TSPAN13: variants seen among roughly 807,000 people sequenced by gnomAD.
TSPAN13 encodes the protein tetraspanin-13.
A neutral mutation model predicts 26.9 loss-of-function variants in TSPAN13; 18 were observed. The observed-to-expected ratio is 0.67, with a 90% CI of 0.46 to 0.99. The LOEUF is 0.99. Ranked by LOEUF, TSPAN13 falls within the 50% of genes least tolerant of loss-of-function variation. The pLI, the probability that TSPAN13 is intolerant of heterozygous loss-of-function variation, is 0.00. For missense variants in TSPAN13, 201 were observed against 249.6 expected (o/e 0.81, Z 1.31); for synonymous variants, 116 against 98.4 (o/e 1.18, Z -1.06).
Position 16,779,932 on chromosome 7 carries a change from C to T in TSPAN13, c.540+816C>T, listed in dbSNP as rs534780607. On this transcript the variant is annotated intron_variant, in intron 5 of 5. Coordinates refer to ENST00000262067, the MANE Select transcript of TSPAN13 (RefSeq NM_014399.4). Reference sequence around the variant, plus strand: ...GACTACAGGCGCCCGCCACCACGCCCAGCTAATTTTTTGTATTTTTAGTAG... The same window carrying T: ...GACTACAGGCGCCCGCCACCACGCCTAGCTAATTTTTTGTATTTTTAGTAG... 2.4e-4 allele frequency among the ~76,000 whole-genome samples: 37 copies of T among 151,894 alleles called. No individual in the cohort carries two copies. The East Asian group carries it at 6.2e-3, about 26-fold the overall frequency.
intron 1 of TSPAN13, among the ~76,000 whole-genome samples, chr7:16,757,281 A>G (rs1268802646): frequency 6.6e-6 from 1 of 152,202 alleles, no homozygotes; most frequent in African/African-American, 2.4e-5. Flanking sequence ...AATGAAAATG[A>G]TTTGGGAAAA....
At chr7:16,770,427 C>T (rs1784660853) in intron 1 of TSPAN13, among the ~76,000 whole-genome samples, 2 of 152,168 alleles carry the variant, frequency 1.3e-5, no homozygotes, top group Admixed American at 6.5e-5. Context: ...CCAGACTGCT[C>T]TTGAACAACT....
intron 1 of TSPAN13, among the ~76,000 whole-genome samples, chr7:16,771,967 T>G (rs1168920792): frequency 6.6e-6 from 1 of 152,190 alleles, no homozygotes; most frequent in African/African-American, 2.4e-5. Flanking sequence ...CAGAGGTACT[T>G]GTGAATATTC....
chr7:16,777,243 G>T, intron 3 of TSPAN13, 121 bp downstream of exon 3: 1 of 681,356 alleles, frequency 1.5e-6, no homozygotes, highest in Admixed American at 2.6e-5. Context: ...CTTCACTCTG[G>T]ATAGCAAAAC....
At position 16,753,762 on chromosome 7, in the gene TSPAN13, A is replaced by T; in HGVS notation, c.-206A>T. The T allele has an allele frequency of 2.2e-6, 1 of 451,860 alleles. No individual in the cohort carries two copies. Among genetic ancestry groups the T allele is most frequent in the Non-Finnish European group, 3.9e-6 (1 of 259,666 alleles). The allele number at this position is 451,860 out of a possible 1,614,324, so 28.0% of individuals were successfully genotyped here. ...GGGGCTCGGGCTCCTGCTCCGGCTCAGCTGCGGCGGCCGCAGGTTCCAAAG... is the reference window on the plus strand; with the variant it reads ...GGGGCTCGGGCTCCTGCTCCGGCTCTGCTGCGGCGGCCGCAGGTTCCAAAG... On this transcript the variant is annotated 5_prime_UTR_variant, in exon 1 of 6. Transcript: ENST00000262067.
intron 1 of TSPAN13, among the ~76,000 whole-genome samples, chr7:16,757,733 T>G (rs547580309): frequency 6.6e-6 from 1 of 152,334 alleles, no homozygotes; most frequent in East Asian, 1.9e-4. Context: ...TTTGGTTGTT[T>G]TGAGAAAAAT....
intron 1 of TSPAN13, among the ~76,000 whole-genome samples, chr7:16,761,144 A>G (rs1784537044): frequency 1.3e-5 from 2 of 152,210 alleles, no homozygotes; most frequent in Admixed American, 6.5e-5. Context: ...TCACCTTTAT[A>G]TAATTTCCAT....
intron 5 of TSPAN13, among the ~76,000 whole-genome samples, chr7:16,779,488 A>G (rs542523521): frequency 1.3e-5 from 2 of 152,246 alleles, no homozygotes; most frequent in East Asian, 3.9e-4. Flanking sequence ...ATACACAGAC[A>G]TACATATATA....
At chr7:16,759,771 A>G (rs1393552732) in intron 1 of TSPAN13, among the ~76,000 whole-genome samples, 2 of 147,602 alleles carry the variant, frequency 1.4e-5, no homozygotes, top group Non-Finnish European at 3.0e-5. Context: ...ACTGCCAGAG[A>G]GCTGTCTCCT....
intron 1 of TSPAN13, among the ~76,000 whole-genome samples, chr7:16,754,817 A>G (rs952112544): frequency 6.6e-6 from 1 of 151,902 alleles, no homozygotes; most frequent in African/African-American, 2.4e-5. Context: ...ATTCTGGGTG[A>G]ACAGGAGGAT....
At chr7:16,772,011 A>G (rs565928484) in intron 1 of TSPAN13, among the ~76,000 whole-genome samples, 1 of 152,196 alleles carries the variant, frequency 6.6e-6, no homozygotes, top group Non-Finnish European at 1.5e-5. Flanking sequence ...ATAAAGCCTA[A>G]TCTGAGAACT....
At chr7:16,777,152 T>C in intron 3 of TSPAN13, 30 bp downstream of exon 3, 4 of 1,469,732 alleles carry the variant, frequency 2.7e-6, no homozygotes, top group Non-Finnish European at 3.8e-6. Context: ...TTCTACTTTA[T>C]TATACCACAT....
Position 16,776,224 on chromosome 7 carries a change from T to C in TSPAN13, c.77T>C (p.Leu26Pro), listed in dbSNP as rs761828927. 3 of 1,614,036 alleles carry C rather than the reference T, an allele frequency of 1.9e-6. No individual in the cohort carries two copies. The highest frequency in any genetic ancestry group is 8.5e-7 in the Non-Finnish European group (1 of 1,179,954). ...LNLLYTLVSL[L>P]LIGIAAWGIG... ...GTGTTTTTGCAGTTGGTTAGTCTGC[T>C]GCTAATTGGAATTGCTGCGTGGGGC... Residue 26 changes from leucine (L) to proline (P), a missense_variant, in exon 2 of 6, where the codon CTG becomes CCG. Transcript: ENST00000262067.
intron 3 of TSPAN13, 79 bp downstream of exon 3, chr7:16,777,201 A>G: frequency 9.1e-7 from 1 of 1,096,878 alleles, no homozygotes; most frequent in Non-Finnish European, 1.4e-6. Context: ...TGATTAGAAT[A>G]TAAAATAATT....
At chr7:16,763,487 C>T (rs1233313689) in intron 1 of TSPAN13, among the ~76,000 whole-genome samples, 1 of 152,140 alleles carries the variant, frequency 6.6e-6, no homozygotes, top group African/African-American at 2.4e-5. Flanking sequence ...AGTCGCTCGC[C>T]CCTTTCATCC....
At chr7:16,763,770 G>C (rs557242260) in intron 1 of TSPAN13, among the ~76,000 whole-genome samples, 1 of 152,204 alleles carries the variant, frequency 6.6e-6, no homozygotes, top group Admixed American at 6.5e-5. Flanking sequence ...TGCTGCTGCT[G>C]ATGGTCAGAG....
chr7:16,777,532 G>A (rs773457288), intron 3 of TSPAN13, among the ~76,000 whole-genome samples: 1 of 152,102 alleles, frequency 6.6e-6, no homozygotes, highest in Non-Finnish European at 1.5e-5. Flanking sequence ...TTAACACTCC[G>A]AGAATTATGC....
At position 16,777,023 on chromosome 7, in the gene TSPAN13, C is replaced by T. The variant is rs1784759065; in HGVS notation, c.232-19C>T. The T allele has an allele frequency of 6.6e-7, 1 of 1,523,410 alleles. No homozygotes were observed. The highest frequency in any genetic ancestry group is 1.4e-5 in the African/African-American group (1 of 72,988). The allele number at this position is 1,523,410 out of a possible 1,614,324, so 94.4% of individuals were successfully genotyped here. ...CATTCTAAGAATATTTAGAAGTATC[C>T]TTAACTTCTAACTCTCAGTATATGA... On this transcript the variant is annotated intron_variant, in intron 2 of 5. Coordinates refer to ENST00000262067, the MANE Select transcript of TSPAN13 (RefSeq NM_014399.4).
At chr7:16,772,229 A>G (rs1248157297) in intron 1 of TSPAN13, among the ~76,000 whole-genome samples, 2 of 152,182 alleles carry the variant, frequency 1.3e-5, no homozygotes, top group Admixed American at 6.5e-5. Flanking sequence ...CCCCAGCTAC[A>G]TGATAAGGAT....
Sources: gnomAD v4.1 joint callset for allele counts (sites outside exome capture counted in the v4.1 genomes callset) on GRCh38, gnomAD v4.1.1 for gene constraint, MANE v1.5 for transcripts, NCBI Gene and HGNC (gene_info 2026-07-23, HGNC 2026-07-21) for gene names.